Variants in RCOR1 observed in about 807,000 individuals in gnomAD.
RCOR1 encodes the protein REST corepressor.
RCOR1 carries 12 observed loss-of-function variants against 64.0 expected under a neutral mutation model. The observed-to-expected ratio is 0.19, with a 90% CI of 0.12 to 0.30. The LOEUF (loss-of-function observed/expected upper bound fraction) is 0.30. Ranked by LOEUF, RCOR1 falls within the 10% of genes least tolerant of loss-of-function variation. RCOR1 has a pLI of 1.00. For missense variants in RCOR1, 502 were observed against 621.2 expected (o/e 0.81, Z 2.04); for synonymous variants, 279 against 227.2 (o/e 1.23, Z -2.05).
chr14:102,619,060 T>C (rs1893819528), intron 2 of RCOR1, among the ~76,000 whole-genome samples: 2 of 152,170 alleles, frequency 1.3e-5, no homozygotes, highest in Non-Finnish European at 1.5e-5. Flanking sequence ...CAGGTAGGCA[T>C]GGACCCTATC....
intron 11 of RCOR1, among the ~76,000 whole-genome samples, chr14:102,724,575 C>T (rs115333952): frequency 0.031 from 4,737 of 152,250 alleles, 240 homozygotes; most frequent in African/African-American, 0.11. Flanking sequence ...TCAAGTGATC[C>T]GCTCGCCTCT....
At chr14:102,726,349 T>G in intron 11 of RCOR1, 119 bp from the exon 12 acceptor site, 6 of 777,980 alleles carry the variant, frequency 7.7e-6, no homozygotes, top group Non-Finnish European at 1.2e-5. Context: ...AAAAAAGAAC[T>G]CGGTGTTTGC....
intron 2 of RCOR1, among the ~76,000 whole-genome samples, chr14:102,600,181 G>A (rs1429760399): frequency 1.3e-5 from 2 of 152,060 alleles, no homozygotes; most frequent in South Asian, 2.1e-4. Context: ...CCGCCTCCCG[G>A]GTTCACGCCC....
chr14:102,622,637 C>T (rs374741748), intron 2 of RCOR1, among the ~76,000 whole-genome samples: 2 of 152,100 alleles, frequency 1.3e-5, no homozygotes, highest in East Asian at 1.9e-4. Context: ...GTGATTTCCG[C>T]CCCCCGCCCC....
At chr14:102,642,756 A>G (rs952063903) in intron 2 of RCOR1, among the ~76,000 whole-genome samples, 1 of 152,166 alleles carries the variant, frequency 6.6e-6, no homozygotes, top group Non-Finnish European at 1.5e-5. Context: ...GGATCACATG[A>G]GCCCAGGAAG....
chr14:102,625,631 A>C (rs1893965907), intron 2 of RCOR1, among the ~76,000 whole-genome samples: 1 of 151,792 alleles, frequency 6.6e-6, no homozygotes, highest in African/African-American at 2.4e-5. Context: ...CAGCCCCTCA[A>C]AGTGCTAGAT....
chr14:102,652,965 G>T (rs149506692), intron 2 of RCOR1, among the ~76,000 whole-genome samples: 5 of 151,914 alleles, frequency 3.3e-5, no homozygotes, highest in African/African-American at 7.2e-5. Context: ...ATGGAGTTTC[G>T]CTTTGTCGCC....
chr14:102,691,217 A>C (rs146455377), intron 3 of RCOR1, among the ~76,000 whole-genome samples: 1 of 152,348 alleles, frequency 6.6e-6, no homozygotes, highest in East Asian at 1.9e-4. Context: ...GTGCTTAAAC[A>C]AATACCACAT....
chr14:102,631,257 C>T (rs1218678403), intron 2 of RCOR1, among the ~76,000 whole-genome samples: 2 of 150,088 alleles, frequency 1.3e-5, no homozygotes, highest in Non-Finnish European at 2.9e-5. Flanking sequence ...GGCTGGAGTG[C>T]AGTGGCGCAA....
chr14:102,631,383 T>A (rs1250201518), intron 2 of RCOR1, among the ~76,000 whole-genome samples: 3 of 151,660 alleles, frequency 2.0e-5, no homozygotes, highest in African/African-American at 7.3e-5. Flanking sequence ...TTTTTTTTTT[T>A]AAGTAGAGAC....
chr14:102,705,962 A>C (rs1243239293), intron 4 of RCOR1, among the ~76,000 whole-genome samples: 3 of 151,622 alleles, frequency 2.0e-5, no homozygotes, highest in East Asian at 3.9e-4. Context: ...CAAAAAAAAA[A>C]CTAGCTGCGC....
At chr14:102,651,977 G>A (rs1894601504) in intron 2 of RCOR1, among the ~76,000 whole-genome samples, 1 of 152,186 alleles carries the variant, frequency 6.6e-6, no homozygotes, top group Non-Finnish European at 1.5e-5. Flanking sequence ...TTACACTGGA[G>A]GATCTTTATG....
intron 2 of RCOR1, among the ~76,000 whole-genome samples, chr14:102,602,656 A>G (rs1470741297): frequency 6.6e-6 from 1 of 152,008 alleles, no homozygotes; most frequent in Non-Finnish European, 1.5e-5. Context: ...GATCTCCCGC[A>G]TCGGCCTCCC....
intron 2 of RCOR1, among the ~76,000 whole-genome samples, chr14:102,627,346 G>A (rs186551140): frequency 1.3e-5 from 2 of 152,194 alleles, no homozygotes; most frequent in East Asian, 3.9e-4. Flanking sequence ...GTATTAAACG[G>A]GCTATTACTT....
Position 102,598,669 on chromosome 14 carries a change from C to CA in RCOR1, c.361+5346dup, listed in dbSNP as rs578098253. 3.6e-3 allele frequency among the ~76,000 whole-genome samples: 544 copies of CA among 151,746 alleles called. 4 individuals carry two copies. Among genetic ancestry groups the CA allele is most frequent in the Non-Finnish European group, 4.9e-3 (333 of 67,834 alleles). On this transcript the variant is annotated intron_variant, in intron 2 of 11. Transcript: ENST00000262241. Reference sequence around the variant, plus strand: ...TCCACCATGTTAGCCAGGATGGTCTCAATCTCCTGACCTCGTGATCCGCCC... The same window carrying CA: ...TCCACCATGTTAGCCAGGATGGTCTCAAATCTCCTGACCTCGTGATCCGCCC...
At chr14:102,627,667 A>AG (rs905784567) in intron 2 of RCOR1, among the ~76,000 whole-genome samples, 3 of 151,716 alleles carry the variant, frequency 2.0e-5, no homozygotes, top group Non-Finnish European at 4.4e-5. Flanking sequence ...AAAAAAAAAA[A>AG]AAAACACACA....
At chr14:102,712,513 G>T (rs1156409068) in intron 7 of RCOR1, among the ~76,000 whole-genome samples, 3 of 151,998 alleles carry the variant, frequency 2.0e-5, no homozygotes, top group African/African-American at 7.3e-5. Flanking sequence ...GGATTTCCCA[G>T]TTGTTTATTC....
chr14:102,697,605 C>T (rs1042887954), intron 3 of RCOR1, among the ~76,000 whole-genome samples: 19 of 152,198 alleles, frequency 1.2e-4, no homozygotes, highest in African/African-American at 4.3e-4. Flanking sequence ...TAACTTACTT[C>T]ATCACAACCT....
intron 2 of RCOR1, among the ~76,000 whole-genome samples, chr14:102,600,288 C>T (rs958210486): frequency 8.6e-5 from 13 of 150,744 alleles, no homozygotes; most frequent in South Asian, 2.1e-4. Context: ...GGGGTTTCAC[C>T]GTGGTCTTGA....
Sources: gnomAD v4.1 joint callset for allele counts (sites outside exome capture counted in the v4.1 genomes callset) on GRCh38, gnomAD v4.1.1 for gene constraint, MANE v1.5 for transcripts, NCBI Gene and HGNC (gene_info 2026-07-23, HGNC 2026-07-21) for gene names.